Variants in PCDH11Y observed in about 807,000 individuals in gnomAD.
The protein encoded by PCDH11Y is protocadherin-11 Y-linked.
For synonymous variants in PCDH11Y, 9 were observed against 83.6 expected (o/e 0.11, Z 4.87); for missense variants, 12 against 224.8 (o/e 0.05, Z 6.05).
intron 3 of PCDH11Y, among the ~76,000 whole-genome samples, chrY:5,035,049 G>A: frequency 3.1e-5 from 1 of 31,914 alleles, no homozygotes; most frequent in Non-Finnish European, 7.7e-5. Flanking sequence ...TATAGATTTC[G>A]AGAGGTAATA....
intron 2 of PCDH11Y, among the ~76,000 whole-genome samples, chrY:5,237,366 T>A (rs2052976529): frequency 3.0e-5 from 1 of 33,471 alleles, no homozygotes; most frequent in Non-Finnish European, 7.4e-5. Context: ...GGAAATTTTT[T>A]AGTATAAACA....
chrY:5,322,466 G>A (rs1602904142), intron 2 of PCDH11Y, among the ~76,000 whole-genome samples: 3 of 32,042 alleles, frequency 9.4e-5, no homozygotes, highest in Non-Finnish European at 2.3e-4. Context: ...TAAATGCTAT[G>A]TAAATAGTCA....
At chrY:5,197,514 A>G in intron 2 of PCDH11Y, among the ~76,000 whole-genome samples, 1 of 31,575 alleles carries the variant, frequency 3.2e-5, no homozygotes. Flanking sequence ...ATGCTGCTAT[A>G]AAAACACATG....
chrY:5,391,755 G>T, intron 2 of PCDH11Y, among the ~76,000 whole-genome samples: 1 of 32,069 alleles, frequency 3.1e-5, no homozygotes, highest in Admixed American at 2.9e-4. Flanking sequence ...ATTCATCTAG[G>T]CAAAAAGGCA....
chrY:5,117,009 T>C (rs2052811617), intron 2 of PCDH11Y, among the ~76,000 whole-genome samples: 5 of 32,502 alleles, frequency 1.5e-4, no homozygotes, highest in Non-Finnish European at 3.8e-4. Context: ...TACTAACAGA[T>C]AGAGACTTGT....
At chrY:5,076,877 G>C (rs2052710442) in intron 1 of PCDH11Y, among the ~76,000 whole-genome samples, 1 of 33,121 alleles carries the variant, frequency 3.0e-5, no homozygotes, top group Non-Finnish European at 7.5e-5. Context: ...TTTTTGCTCA[G>C]GATAACTTTG....
intron 2 of PCDH11Y, among the ~76,000 whole-genome samples, chrY:5,122,262 C>T (rs2052819100): frequency 3.0e-5 from 1 of 33,041 alleles, no homozygotes; most frequent in African/African-American, 1.2e-4. Context: ...GGTTTCATCT[C>T]GATAGTCGGG....
At chrY:5,206,534 T>G in intron 2 of PCDH11Y, among the ~76,000 whole-genome samples, 2 of 29,341 alleles carry the variant, frequency 6.8e-5, no homozygotes, top group Non-Finnish European at 1.6e-4. Context: ...CTGAGTGTTG[T>G]CACCATGTGA....
intron 2 of PCDH11Y, among the ~76,000 whole-genome samples, chrY:5,486,708 CAT>C (rs2053332612): frequency 1.8e-3 from 9 of 5,100 alleles, no homozygotes; most frequent in Admixed American, 2.3e-3. Context: ...TATATATACA[CAT>C]ATATATATAT....
intron 4 of PCDH11Y, among the ~76,000 whole-genome samples, chrY:5,696,709 T>C (rs2053572749): frequency 3.0e-5 from 1 of 33,094 alleles, no homozygotes; most frequent in East Asian, 8.1e-4. Context: ...TATTAGAATG[T>C]CAGCTTGAGA....
chrY:5,049,803 C>T, intron 3 of PCDH11Y, among the ~76,000 whole-genome samples: 1 of 32,475 alleles, frequency 3.1e-5, no homozygotes, highest in African/African-American at 1.2e-4. Flanking sequence ...CCTCGTGATC[C>T]GCCCGCTTCG....
At chrY:5,064,212 A>T (rs2124629397) in intron 1 of PCDH11Y, among the ~76,000 whole-genome samples, 1 of 23,199 alleles carries the variant, frequency 4.3e-5, no homozygotes, top group South Asian at 1.2e-3. Context: ...AAAACAAAGG[A>T]TTTTAAAAGT....
chrY:5,267,442 G>A (rs2124659032), intron 2 of PCDH11Y, among the ~76,000 whole-genome samples: 6 of 30,449 alleles, frequency 2.0e-4, no homozygotes, highest in Admixed American at 6.2e-4. Flanking sequence ...TCCTGACCTC[G>A]TCATCCACCC....
chrY:5,005,353 A>G, intron 1 of PCDH11Y, among the ~76,000 whole-genome samples: 1 of 33,817 alleles, frequency 3.0e-5, no homozygotes, highest in Non-Finnish European at 7.4e-5. Flanking sequence ...AATAGGGCCT[A>G]AAGCTAATCA....
chrY:5,270,000 A>T, intron 2 of PCDH11Y, among the ~76,000 whole-genome samples: 1 of 27,142 alleles, frequency 3.7e-5, no homozygotes, highest in Admixed American at 3.8e-4. Flanking sequence ...GTCATCAGGA[A>T]AAAAAGGTGT....
chrY:5,325,523 A>T (rs2053118377), intron 2 of PCDH11Y, among the ~76,000 whole-genome samples: 1 of 33,165 alleles, frequency 3.0e-5, no homozygotes, highest in Non-Finnish European at 7.4e-5. Flanking sequence ...ATGGAATAAG[A>T]AGGAGAAAAA....
At chrY:5,546,434 G>C (rs2124693561) in intron 3 of PCDH11Y, among the ~76,000 whole-genome samples, 1 of 32,223 alleles carries the variant, frequency 3.1e-5, no homozygotes, top group South Asian at 7.0e-4. Flanking sequence ...GAAATGAATA[G>C]TTAGCATATA....
intron 3 of PCDH11Y, among the ~76,000 whole-genome samples, chrY:5,553,548 T>C: frequency 3.1e-5 from 1 of 32,459 alleles, no homozygotes; most frequent in African/African-American, 1.2e-4. Context: ...TGATATTCTT[T>C]GGCTGTGTCT....
chrY:5,524,576 A>T, intron 3 of PCDH11Y, among the ~76,000 whole-genome samples: 1 of 33,173 alleles, frequency 3.0e-5, no homozygotes, highest in Non-Finnish European at 7.4e-5. Flanking sequence ...TTTTACTTTA[A>T]GCCCTGGGAT....
Sources: gnomAD v4.1 joint callset for allele counts (sites outside exome capture counted in the v4.1 genomes callset) on GRCh38, gnomAD v4.1.1 for gene constraint, MANE v1.5 for transcripts, NCBI Gene and HGNC (gene_info 2026-07-23, HGNC 2026-07-21) for gene names.